The following CUBN variants were observed in gnomAD, a reference collection of about 807,000 sequenced individuals.
The protein encoded by CUBN is cubilin.
A neutral mutation model predicts 405.3 loss-of-function variants in CUBN; 282 were observed. The observed-to-expected ratio is 0.70, with a 90% CI of 0.63 to 0.77. The LOEUF (loss-of-function observed/expected upper bound fraction) is 0.77. Ranked by LOEUF, CUBN falls within the 30% of genes least tolerant of loss-of-function variation. The pLI, the probability that CUBN is intolerant of heterozygous loss-of-function variation, is 0.00. For missense variants in CUBN, 4,514 were observed against 4,475.2 expected (o/e 1.01, Z -0.25); for synonymous variants, 1,684 against 1,617.0 (o/e 1.04, Z -0.99).
rs1307321438 is a variant in CUBN, at chr10:17,016,184, G to A, written c.4168+3649C>T. ...CCATAGCCACTTGAGGAAGGCAGAA[G>A]GATTTTCTTCCTTTCCCTGAGTTAT... On this transcript the variant is annotated intron_variant, in intron 28 of 66. Coordinates refer to ENST00000377833, the MANE Select transcript of CUBN (RefSeq NM_001081.4). Among the ~76,000 whole-genome samples the A allele has an allele frequency of 2.0e-5, 3 of 151,768 alleles. No homozygotes were observed. The South Asian group carries it at 6.2e-4, about 32-fold the overall frequency.
chr10:16,913,933 G>A lies in CUBN; in HGVS notation c.7411C>T (p.Pro2471Ser). The A allele has an allele frequency of 6.2e-7, 1 of 1,614,062 alleles. No individual in the cohort carries two copies. Among genetic ancestry groups the A allele is most frequent in the Non-Finnish European group, 8.5e-7 (1 of 1,180,022 alleles). Residue 2471 changes from proline (P) to serine (S), a missense_variant, in exon 48 of 67, where the codon CCA becomes TCA. Pro to Ser is a moderately conservative substitution (Grantham distance 74). Around this residue, in one of 5 missense-constraint regions of CUBN, gnomAD observed 1,613 missense variants for 1,542.8 expected, o/e 1.05. Coordinates refer to ENST00000377833, the MANE Select transcript of CUBN (RefSeq NM_001081.4). The part of the protein sequence containing the change: ...GTFTSPNYPN[P>S]NPHGRICEWR... The stretch of plus-strand genomic sequence containing the variant: ...TCGCAGATCCGGCCATGAGGATTTG[G>A]GTTCGGGTAGTTGGGAGAAGTAAAT...
chr10:17,033,630 A>G (rs1367260308), intron 27 of CUBN, among the ~76,000 whole-genome samples: 2 of 152,204 alleles, frequency 1.3e-5, no homozygotes, highest in East Asian at 3.9e-4. Flanking sequence ...ATTTATTAGA[A>G]TATAGGTCTC....
Position 17,104,550 on chromosome 10 carries a change from C to G in CUBN, c.1286G>C (p.Cys429Ser). The G allele has an allele frequency of 6.2e-7, 1 of 1,613,794 alleles. No homozygotes were observed. Residue 429 changes from cysteine to serine, a missense_variant, in exon 12 of 67, where the codon TGT becomes TCT. Coordinates refer to ENST00000377833, the MANE Select transcript of CUBN (RefSeq NM_001081.4). ...CAAACACTCATTGATGTTTTCTGTA[C>G]AGTTGACACCTGTCCAACCTGAGTC... Reference protein sequence around the residue: ...KCDSGWTGVNCTENINECLSN... With the variant: ...KCDSGWTGVNSTENINECLSN...
intron 31 of CUBN, among the ~76,000 whole-genome samples, chr10:16,971,965 C>T (rs1467213827): frequency 6.6e-6 from 1 of 152,206 alleles, no homozygotes; most frequent in Non-Finnish European, 1.5e-5. Context: ...CCACCCGCCA[C>T]AATCCTGCTC....
At chr10:16,974,957 A>G (rs962698104) in intron 31 of CUBN, among the ~76,000 whole-genome samples, 2 of 152,200 alleles carry the variant, frequency 1.3e-5, no homozygotes, top group Non-Finnish European at 2.9e-5. Context: ...AAAACATATA[A>G]AATATCTGTT....
chr10:16,840,960 A>G lies in CUBN; in HGVS notation c.9751T>C (p.Phe3251Leu). 6.2e-7 allele frequency: 1 copy of G among 1,614,066 alleles called. No individual in the cohort carries two copies. The highest frequency in any genetic ancestry group is 1.1e-5 in the South Asian group (1 of 91,082). The change falls in exon 61 of 67, where the codon TTC (phenylalanine) becomes CTC (leucine). Residue 3251 changes from phenylalanine to leucine, a missense_variant. By Grantham distance (22) the Phe-to-Leu change is conservative. Around this residue, in one of 5 missense-constraint regions of CUBN, gnomAD observed 1,186 missense variants for 1,186.9 expected, o/e 1.00. Transcript: ENST00000377833. ...TCACTGATGAATTGAACCGTAAGGA[A>G]GTTACCAGAAGAGATAAAAGGAGCA... is the stretch of plus-strand genomic sequence containing the variant. ...VPAPFISSGN[F>L]LTVQFISDLT...
intron 6 of CUBN, among the ~76,000 whole-genome samples, chr10:17,117,525 C>A (rs1247018397): frequency 1.3e-5 from 2 of 152,182 alleles, no homozygotes; most frequent in African/African-American, 4.8e-5. Flanking sequence ...CAGGTGCGTG[C>A]CACCACACCC....
chr10:16,829,116 CTT>C, intron 65 of CUBN, 76 bp from the exon 66 acceptor site: 2 of 1,045,838 alleles, frequency 1.9e-6, no homozygotes, highest in South Asian at 2.7e-5. Context: ...GGCAATAAGA[CTT>C]TATTTTCTTA....
intron 14 of CUBN, among the ~76,000 whole-genome samples, chr10:17,099,020 C>A (rs570718983): frequency 1.5e-4 from 23 of 152,266 alleles, no homozygotes; most frequent in South Asian, 2.1e-4. Flanking sequence ...CCATAAAATT[C>A]TTTGGGAAAA....
chr10:17,079,177 C>T (rs1048837487), intron 17 of CUBN, among the ~76,000 whole-genome samples: 3 of 151,770 alleles, frequency 2.0e-5, no homozygotes, highest in African/African-American at 7.3e-5. Context: ...CAGAGTCTAA[C>T]CAAATGTTCC....
chr10:16,849,305 T>G (rs548169933), intron 60 of CUBN, among the ~76,000 whole-genome samples: 11 of 152,194 alleles, frequency 7.2e-5, no homozygotes, highest in Non-Finnish European at 1.5e-4. Context: ...TCCTGTGCCT[T>G]TTGCCTTCTC....
At chr10:16,890,684 A>G (rs888879957) in intron 54 of CUBN, among the ~76,000 whole-genome samples, 157 bp from the exon 55 acceptor site, 1 of 152,176 alleles carries the variant, frequency 6.6e-6, no homozygotes, top group African/African-American at 2.4e-5. Flanking sequence ...TTTGAGAATA[A>G]TTTTTTTAAA....
chr10:17,025,187 C>T (rs1191093968), intron 27 of CUBN, among the ~76,000 whole-genome samples: 1 of 152,094 alleles, frequency 6.6e-6, no homozygotes, highest in Non-Finnish European at 1.5e-5. Context: ...CCTATTCTTT[C>T]TATAGAATAA....
intron 31 of CUBN, among the ~76,000 whole-genome samples, chr10:16,971,813 T>A (rs1039380636): frequency 5.9e-5 from 9 of 152,266 alleles, no homozygotes; most frequent in East Asian, 1.9e-4. Flanking sequence ...CCATTTTTTT[T>A]AAAAAACCAA....
intron 6 of CUBN, chr10:17,122,268 A>G: frequency 4.6e-6 from 1 of 215,076 alleles, no homozygotes; most frequent in Non-Finnish European, 9.4e-6. Context: ...GATAATGATG[A>G]CTGTGGTCAG....
At chr10:16,920,579 C>T (rs1276329223) in intron 43 of CUBN, among the ~76,000 whole-genome samples, 4 of 152,056 alleles carry the variant, frequency 2.6e-5, no homozygotes, top group South Asian at 2.1e-4. Flanking sequence ...TTGCACAACT[C>T]GGGGAGCATT....
intron 9 of CUBN, among the ~76,000 whole-genome samples, chr10:17,110,656 T>G (rs1389723090): frequency 6.6e-6 from 1 of 151,948 alleles, no homozygotes; most frequent in Non-Finnish European, 1.5e-5. Context: ...GCCTCCCGAG[T>G]AGCTAGGATT....
chr10:16,975,766 G>C (rs768866780), intron 31 of CUBN, among the ~76,000 whole-genome samples: 2 of 151,456 alleles, frequency 1.3e-5, no homozygotes, highest in Non-Finnish European at 2.9e-5. Flanking sequence ...AAGTCGCTGG[G>C]ATTACAAGCA....
At chr10:17,025,759 A>T (rs1201044852) in intron 27 of CUBN, among the ~76,000 whole-genome samples, 1 of 152,160 alleles carries the variant, frequency 6.6e-6, no homozygotes, top group Non-Finnish European at 1.5e-5. Flanking sequence ...GAGGAGGTGG[A>T]GGCCAATCCT....
Sources: gnomAD v4.1 joint callset for allele counts (sites outside exome capture counted in the v4.1 genomes callset) on GRCh38, gnomAD v4.1.1 for gene constraint, gnomAD v4.1.1 regional missense constraint, MANE v1.5 for transcripts, NCBI Gene and HGNC (gene_info 2026-07-23, HGNC 2026-07-21) for gene names.